Variants in MLYCD observed in about 807,000 individuals in gnomAD.
MLYCD encodes malonyl-CoA decarboxylase, mitochondrial.
MLYCD carries 27 observed loss-of-function variants against 35.8 expected under a neutral mutation model. The observed-to-expected ratio is 0.75, with a 90% CI of 0.56 to 1.04. MLYCD has a LOEUF of 1.04. Among genes scored for constraint, MLYCD ranks in the 50% least tolerant of loss-of-function variants. MLYCD has a pLI of 0.00. For synonymous variants in MLYCD, 403 were observed against 302.4 expected (o/e 1.33, Z -3.45); for missense variants, 917 against 665.1 (o/e 1.38, Z -4.17).
intron 3 of MLYCD, among the ~76,000 whole-genome samples, chr16:83,909,327 A>G (rs961835034): frequency 6.6e-6 from 1 of 152,148 alleles, no homozygotes; most frequent in Non-Finnish European, 1.5e-5. Context: ...ATGATAACCT[A>G]GGGCCCATCA....
intron 1 of MLYCD, among the ~76,000 whole-genome samples, chr16:83,900,206 CTG>C (rs1234838891): frequency 3.9e-5 from 6 of 152,162 alleles, no homozygotes; most frequent in Non-Finnish European, 8.8e-5. Flanking sequence ...CTGGCCTTGT[CTG>C]TGCTCCATGA....
chr16:83,908,360 C>T (rs1184648944), intron 3 of MLYCD, 78 bp downstream of exon 3: 20 of 1,506,736 alleles, frequency 1.3e-5, no homozygotes, highest in East Asian at 2.3e-5. Flanking sequence ...TTTGTTTTTA[C>T]TTGATTTTAT....
Position 83,923,623 on chromosome 16 carries a change from G to C in MLYCD, c.*8134G>C, listed in dbSNP as rs1907719044. The C allele has an allele frequency of 6.6e-6, 1 of 152,292 alleles. No individual in the cohort carries two copies. Among genetic ancestry groups the C allele is most frequent in the Non-Finnish European group, 1.5e-5 (1 of 68,092 alleles). 9.4% of individuals were successfully genotyped at this position (152,292 alleles called of 1,614,324 possible). On this transcript the variant is annotated 3_prime_UTR_variant, in exon 5 of 5. Transcript: ENST00000262430. ...GCCTCCTTCCCTAGAGGATCACCGT[G>C]TCCAGCCCTGAAGCTGGAGCGAGTG...
Position 83,912,332 on chromosome 16 carries a change from A to G in MLYCD, c.913A>G (p.Thr305Ala), listed in dbSNP as rs200745228. The G allele has an allele frequency of 2.5e-6, 4 of 1,614,064 alleles. No individual in the cohort carries two copies. The highest frequency in any genetic ancestry group is 3.4e-6 in the Non-Finnish European group (4 of 1,180,052). The change falls in exon 4 of 5, where the codon ACA becomes GCA. Residue 305 changes from threonine (T) to alanine (A), a missense_variant. Coordinates refer to ENST00000262430, the MANE Select transcript of MLYCD (RefSeq NM_012213.3). Reference protein sequence around the residue: ...QQGLQGVELGTFLIKRVVKEL... With the variant: ...QQGLQGVELGAFLIKRVVKEL... ...GGGACTCCAAGGGGTGGAGCTGGGA[A>G]CATTCCTCATAAAGCGAGTCGTCAA...
At position 83,915,558 on chromosome 16, in the gene MLYCD, T is replaced by C; in HGVS notation, c.*69T>C. On this transcript the variant is annotated 3_prime_UTR_variant, in exon 5 of 5. Transcript: ENST00000262430. The stretch of plus-strand genomic sequence containing the variant: ...ATCATTTTCAGGAGGGGCCGGGAGT[T>C]ATGTATCTGAAGCAGCTTTCCAAGC... The C allele has an allele frequency of 6.3e-7, 1 of 1,579,732 alleles. No individual in the cohort carries two copies. The highest frequency in any genetic ancestry group is 1.3e-5 in the African/African-American group (1 of 74,752).
rs191655072 is a variant in MLYCD, at chr16:83,901,676, G to A, written c.528+2004G>A. ...CCACTCAAGAAAACTCTTGGTTATC[G>A]CGTCATTGGGAAGGAACACGTTGCA... On this transcript the variant is annotated intron_variant, in intron 1 of 4. Coordinates refer to ENST00000262430, the MANE Select transcript of MLYCD (RefSeq NM_012213.3). Among the ~76,000 whole-genome samples, 147 of 152,224 alleles carry A rather than the reference G, an allele frequency of 9.7e-4. 1 individual carries two copies. The highest frequency in any genetic ancestry group is 2.3e-3 in the South Asian group (11 of 4,818).
intron 1 of MLYCD, among the ~76,000 whole-genome samples, chr16:83,902,265 C>A (rs554872783): frequency 7.1e-6 from 1 of 141,572 alleles, no homozygotes; most frequent in East Asian, 2.1e-4. Context: ...TTTCTTGTTA[C>A]GTTTCCCAGG....
chr16:83,910,407 C>T (rs548326507), intron 3 of MLYCD, among the ~76,000 whole-genome samples: 1 of 152,066 alleles, frequency 6.6e-6, no homozygotes, highest in East Asian at 1.9e-4. Flanking sequence ...CAAAGGAGAG[C>T]CCGACGCAGT....
At chr16:83,901,056 A>T (rs1906767447) in intron 1 of MLYCD, among the ~76,000 whole-genome samples, 1 of 152,218 alleles carries the variant, frequency 6.6e-6, no homozygotes, top group South Asian at 2.1e-4. Flanking sequence ...CAAGAGTGAC[A>T]ACAGTGGCCA....
chr16:83,923,360 G>C lies in MLYCD; in HGVS notation c.*7871G>C, dbSNP rs1028681618. 5 of 152,236 alleles carry C rather than the reference G, an allele frequency of 3.3e-5. No homozygotes were observed. Among genetic ancestry groups the C allele is most frequent in the Non-Finnish European group, 5.9e-5 (4 of 68,048 alleles). 9.4% of individuals were successfully genotyped at this position (152,236 alleles called of 1,614,324 possible). On this transcript the variant is annotated 3_prime_UTR_variant, in exon 5 of 5. Coordinates refer to ENST00000262430, the MANE Select transcript of MLYCD (RefSeq NM_012213.3). ...CTTACAGAAATATGAAGTCCATTTTGATCTACTCTTAGAAACAAAAGCTGC... is the reference window on the plus strand; with the variant it reads ...CTTACAGAAATATGAAGTCCATTTTCATCTACTCTTAGAAACAAAAGCTGC...
chr16:83,915,615 A>G lies in MLYCD; in HGVS notation c.*126A>G, dbSNP rs1028606254. The G allele has an allele frequency of 5.9e-6, 9 of 1,530,786 alleles. No homozygotes were observed. In the African/African-American group the frequency reaches 1.1e-4, roughly 19 times the overall value. The allele number at this position is 1,530,786 out of a possible 1,614,324, so 94.8% of individuals were successfully genotyped here. ...AAAGTTGACTGTGTTCTTGTCCCGC[A>G]GCCGGTCCACACTGTGAGGCCAGGC... On this transcript the variant is annotated 3_prime_UTR_variant, in exon 5 of 5. Coordinates refer to ENST00000262430, the MANE Select transcript of MLYCD (RefSeq NM_012213.3).
At position 83,915,292 on chromosome 16, in the gene MLYCD, G is replaced by T. The variant is rs750981358; in HGVS notation, c.1285G>T (p.Val429Leu). Residue 429 changes from valine (V) to leucine (L), a missense_variant, in exon 5 of 5, where the codon GTG (valine) becomes TTG (leucine). Physicochemically the swap from Val to Leu is conservative, Grantham distance 32 (BLOSUM62 1). Transcript: ENST00000262430. ...CAACTTCCACCTGCAGAACGGGGCG[G>T]TGCTGTGGCGCATCAACTGGATGGC... ...VANFHLQNGA[V>L]LWRINWMADV... 6.2e-7 allele frequency: 1 copy of T among 1,613,702 alleles called. No individual in the cohort carries two copies. Among genetic ancestry groups the T allele is most frequent in the Non-Finnish European group, 8.5e-7 (1 of 1,179,676 alleles).
chr16:83,913,579 C>T lies in MLYCD; in HGVS notation c.948+1212C>T, dbSNP rs1035913014. ...GCGCAGTGGCTCACGCCTGTAATCC[C>T]AGCCGAGGCAGGCAGATCACCTGGG... On this transcript the variant is annotated intron_variant, in intron 4 of 4. Coordinates refer to ENST00000262430, the MANE Select transcript of MLYCD (RefSeq NM_012213.3). 2.6e-5 allele frequency: 4 copies of T among 152,248 alleles called. No individual in the cohort carries two copies. The East Asian group carries it at 7.7e-4, about 29-fold the overall frequency. The allele number at this position is 152,248 out of a possible 1,614,324, so 9.4% of individuals were successfully genotyped here.
chr16:83,906,831 CAG>C (rs757108697), intron 1 of MLYCD, among the ~76,000 whole-genome samples, 154 bp from the exon 2 acceptor site: 5 of 152,322 alleles, frequency 3.3e-5, no homozygotes, highest in Middle Eastern at 3.4e-3. Context: ...AGATGTCTGA[CAG>C]AGGAATCTTG....
chr16:83,908,065 G>A, intron 2 of MLYCD, 61 bp from the exon 3 acceptor site: 4 of 1,599,720 alleles, frequency 2.5e-6, no homozygotes, highest in South Asian at 1.1e-5. Flanking sequence ...ATGAATAGGA[G>A]TCAGCAGCCG....
At chr16:83,914,878 G>A (rs1907314648) in intron 4 of MLYCD, 78 bp from the exon 5 acceptor site, 2 of 1,592,164 alleles carry the variant, frequency 1.3e-6, no homozygotes, top group African/African-American at 1.3e-5. Context: ...TAGGTTAAGA[G>A]GTGCTCCTCT....
Position 83,899,558 on chromosome 16 carries a change from C to A in MLYCD, c.414C>A (p.Arg138=). 1.9e-6 allele frequency: 3 copies of A among 1,593,004 alleles called. No homozygotes were observed. Among genetic ancestry groups the A allele is most frequent in the Non-Finnish European group, 8.5e-7 (1 of 1,177,644 alleles). ...RLRYALVPRY[R]GLFHHISKLD... ...GCTACGCGCTGGTGCCGCGCTATCGCGGCCTCTTCCACCACATCAGCAAGC... is the reference window on the plus strand; with the variant it reads ...GCTACGCGCTGGTGCCGCGCTATCGAGGCCTCTTCCACCACATCAGCAAGC... The change falls in exon 1 of 5, where the codon CGC becomes CGA. Residue 138 remains arginine (R), a synonymous_variant. Coordinates refer to ENST00000262430, the MANE Select transcript of MLYCD (RefSeq NM_012213.3).
rs1279177251 is a variant in MLYCD, at chr16:83,927,028, C to T, written c.*11539C>T. 7.6e-6 allele frequency: 1 copy of T among 131,398 alleles called. No homozygotes were observed. The highest frequency in any genetic ancestry group is 1.6e-5 in the Non-Finnish European group (1 of 60,622). 8.1% of individuals were successfully genotyped at this position (131,398 alleles called of 1,614,324 possible). ...AAAATAAAAATAAAAAAATAAAATC[C>T]TAACAGGTAGCATACCTGCACTCGG... On this transcript the variant is annotated 3_prime_UTR_variant, in exon 5 of 5. Transcript: ENST00000262430.
chr16:83,909,931 G>T (rs1278601268), intron 3 of MLYCD, among the ~76,000 whole-genome samples: 7 of 151,956 alleles, frequency 4.6e-5, no homozygotes, highest in Admixed American at 4.6e-4. Context: ...CACCGTGCCC[G>T]GCTGATATAG....
Sources: allele counts gnomAD v4.1 joint callset (sites outside exome capture counted in the v4.1 genomes callset), GRCh38; gene constraint gnomAD v4.1.1; transcripts MANE v1.5; gene names NCBI Gene and HGNC (gene_info 2026-07-23, HGNC 2026-07-21).